Variants in ACTR3C observed in about 807,000 individuals in gnomAD.
The protein encoded by ACTR3C is actin related protein 3C.
ACTR3C carries 18 observed loss-of-function variants against 26.3 expected under a neutral mutation model. That is an observed-to-expected ratio of 0.68 (90% CI 0.47 to 1.01). The LOEUF (loss-of-function observed/expected upper bound fraction) is 1.01. ACTR3C is among the 50% of genes least tolerant of loss of function. The pLI is 0.00. For missense variants in ACTR3C, 184 were observed against 250.7 expected, an observed-to-expected ratio of 0.73 and a Z score of 1.80; for synonymous variants, 55 against 94.5, an observed-to-expected ratio of 0.58 and a Z score of 2.42.
At chr7:150,039,499 C>T in the ACTR3C span, among the ~76,000 whole-genome samples, 1 of 77,492 alleles carries the variant, frequency 1.3e-5, no homozygotes, top group African/African-American at 4.1e-5. Flanking sequence ...CTCTCAGTCC[C>T]CACTCTCGTG....
At chr7:150,125,564 A>T in the ACTR3C span, among the ~76,000 whole-genome samples, 888 of 140,700 alleles carry the variant, frequency 6.3e-3, 2 homozygotes, top group Non-Finnish European at 7.0e-3. Flanking sequence ...AAGTGAAATA[A>T]TTTTTTTTTT....
At chr7:150,123,095 A>G in the ACTR3C span, among the ~76,000 whole-genome samples, 2 of 151,324 alleles carry the variant, frequency 1.3e-5, no homozygotes, top group African/African-American at 4.9e-5. Context: ...AGGGTGGGGG[A>G]CAAGGGGAGG....
chr7:150,018,928 T>TGC, the ACTR3C span, among the ~76,000 whole-genome samples: 3 of 150,304 alleles, frequency 2.0e-5, no homozygotes, highest in Non-Finnish European at 4.4e-5. Flanking sequence ...TGTGTGTGTG[T>TGC]GTACATATGC....
chr7:150,266,717 T>C (rs1241130440), intron 6 of ACTR3C, among the ~76,000 whole-genome samples: 2 of 152,230 alleles, frequency 1.3e-5, no homozygotes, highest in Non-Finnish European at 2.9e-5. Context: ...ACTCTTACTA[T>C]TGAGTTGTCA....
At chr7:150,312,000 C>T (rs1412640792) in intron 1 of ACTR3C, among the ~76,000 whole-genome samples, 3 of 152,212 alleles carry the variant, frequency 2.0e-5, no homozygotes, top group African/African-American at 7.2e-5. Flanking sequence ...AATAAAGGCC[C>T]TTCTTAAGGC....
At chr7:150,162,445 C>T in the ACTR3C span, among the ~76,000 whole-genome samples, 3 of 152,126 alleles carry the variant, frequency 2.0e-5, no homozygotes, top group Non-Finnish European at 4.4e-5. Flanking sequence ...CCTGCCTCAG[C>T]CTCCTGAGTA....
the ACTR3C span, among the ~76,000 whole-genome samples, chr7:149,994,687 C>T: frequency 6.6e-6 from 1 of 152,084 alleles, no homozygotes; most frequent in Admixed American, 6.5e-5. Flanking sequence ...GCCTCAAAGT[C>T]CTGACAATCT....
chr7:150,316,326 A>G (rs1040909627), intron 1 of ACTR3C, among the ~76,000 whole-genome samples: 5 of 152,202 alleles, frequency 3.3e-5, no homozygotes, highest in Admixed American at 6.5e-5. Flanking sequence ...CTGTCAATAC[A>G]TTGCACACAT....
the ACTR3C span, among the ~76,000 whole-genome samples, chr7:150,121,305 T>A: frequency 6.6e-6 from 1 of 152,220 alleles, no homozygotes; most frequent in Non-Finnish European, 1.5e-5. Flanking sequence ...TGTTTGCAGA[T>A]GACATGACTG....
the ACTR3C span, among the ~76,000 whole-genome samples, chr7:149,954,356 T>C: frequency 2.0e-5 from 3 of 152,290 alleles, no homozygotes; most frequent in South Asian, 6.2e-4. Flanking sequence ...AATGAATAAA[T>C]GGTTTGATAC....
At chr7:149,906,036 T>C in the ACTR3C span, among the ~76,000 whole-genome samples, 2 of 152,132 alleles carry the variant, frequency 1.3e-5, no homozygotes, top group African/African-American at 4.8e-5. Context: ...AGGAAAAAAA[T>C]CGTTGTATAT....
the ACTR3C span, among the ~76,000 whole-genome samples, chr7:150,061,048 T>C: frequency 4.2e-5 from 3 of 70,762 alleles, no homozygotes; most frequent in African/African-American, 1.5e-4. Context: ...AATAATTCAG[T>C]GATTCAGAAG....
At chr7:150,033,816 C>T in the ACTR3C span, among the ~76,000 whole-genome samples, 17 of 151,934 alleles carry the variant, frequency 1.1e-4, no homozygotes, top group African/African-American at 3.9e-4. Context: ...GAGGGACTGG[C>T]TCTCAGTCCC....
chr7:150,023,254 G>C, the ACTR3C span, among the ~76,000 whole-genome samples: 2 of 58,434 alleles, frequency 3.4e-5, no homozygotes, highest in Non-Finnish European at 7.5e-5. Flanking sequence ...TCTCTATATA[G>C]ATCTCTATAT....
At chr7:150,084,417 T>C in the ACTR3C span, among the ~76,000 whole-genome samples, 10 of 152,172 alleles carry the variant, frequency 6.6e-5, no homozygotes, top group Non-Finnish European at 2.9e-5. Context: ...AATGTCTTGA[T>C]AGTGATACGT....
At chr7:150,053,306 G>A in the ACTR3C span, among the ~76,000 whole-genome samples, 10 of 151,870 alleles carry the variant, frequency 6.6e-5, no homozygotes, top group South Asian at 2.1e-4. Flanking sequence ...CCCCTAGAGC[G>A]CCTTGCCCTT....
chr7:150,120,353 G>T, the ACTR3C span, among the ~76,000 whole-genome samples: 2 of 152,006 alleles, frequency 1.3e-5, no homozygotes, highest in African/African-American at 4.8e-5. Flanking sequence ...TAATAAAGAA[G>T]AAAAGAGAAA....
chr7:150,291,127 C>T (rs1474062113), intron 3 of ACTR3C, among the ~76,000 whole-genome samples: 40 of 151,824 alleles, frequency 2.6e-4, no homozygotes, highest in African/African-American at 9.5e-4. Flanking sequence ...CGTGCACACA[C>T]GTGTCTTAGA....
At chr7:150,034,038 G>A in the ACTR3C span, among the ~76,000 whole-genome samples, 2 of 151,912 alleles carry the variant, frequency 1.3e-5, no homozygotes, top group Admixed American at 6.5e-5. Context: ...AGCCAGGGGG[G>A]GAAGAGGGGT....
Sources: gnomAD v4.1 joint callset for allele counts (sites outside exome capture counted in the v4.1 genomes callset) on GRCh38, gnomAD v4.1.1 for gene constraint, MANE v1.5 for transcripts, NCBI Gene and HGNC (gene_info 2026-07-23, HGNC 2026-07-21) for gene names.